The following NOS1AP variants were observed in gnomAD, a reference collection of about 807,000 sequenced individuals.
NOS1AP encodes the protein carboxyl-terminal PDZ ligand of neuronal nitric oxide synthase protein.
In NOS1AP, 21 loss-of-function variants were observed where a neutral mutation model predicts 56.2. The ratio of observed to expected loss-of-function variants is 0.37; its 90% CI spans 0.26 to 0.54. The LOEUF (loss-of-function observed/expected upper bound fraction) is 0.54, where lower values mean the gene tolerates loss of function less well. Ranked by LOEUF, NOS1AP falls within the 20% of genes least tolerant of loss-of-function variation. The pLI, the probability that NOS1AP is intolerant of heterozygous loss-of-function variation, is 0.84. For missense variants in NOS1AP, 522 were observed against 657.8 expected (o/e 0.79, Z 2.26); for synonymous variants, 270 against 274.6 (o/e 0.98, Z 0.17).
At chr1:162,201,483 G>A (rs1638345745) in intron 2 of NOS1AP, among the ~76,000 whole-genome samples, 1 of 152,144 alleles carries the variant, frequency 6.6e-6, no homozygotes, top group Non-Finnish European at 1.5e-5. Flanking sequence ...GAGATTGCTG[G>A]GTTGAATGAT....
At chr1:162,295,039 G>A (rs189553697) in intron 3 of NOS1AP, among the ~76,000 whole-genome samples, 1 of 152,188 alleles carries the variant, frequency 6.6e-6, no homozygotes, top group Non-Finnish European at 1.5e-5. Context: ...AGTGGAAGGA[G>A]GTTGAAGACC....
At chr1:162,213,554 C>T (rs1043398164) in intron 2 of NOS1AP, among the ~76,000 whole-genome samples, 2 of 152,182 alleles carry the variant, frequency 1.3e-5, no homozygotes, top group Non-Finnish European at 2.9e-5. Flanking sequence ...CTGTTGAATT[C>T]GGTTGACATT....
chr1:162,124,971 A>G (rs762698959), intron 1 of NOS1AP, among the ~76,000 whole-genome samples: 2 of 152,146 alleles, frequency 1.3e-5, no homozygotes, highest in African/African-American at 4.8e-5. Context: ...GTAGATACCC[A>G]GTAGTGGGAT....
chr1:162,346,027 C>T (rs347275), intron 6 of NOS1AP, among the ~76,000 whole-genome samples: 151,903 of 152,362 alleles, frequency 1, 75,724 homozygotes, highest in Middle Eastern at 1. Flanking sequence ...AGTGCCTGAG[C>T]GGATCAGAAT....
chr1:162,263,777 C>T (rs191846824), intron 2 of NOS1AP, among the ~76,000 whole-genome samples: 87 of 152,288 alleles, frequency 5.7e-4, no homozygotes, highest in Admixed American at 2.6e-3. Flanking sequence ...AAAGACACCT[C>T]AGAATCACTG....
At chr1:162,242,596 T>C (rs1653520741) in intron 2 of NOS1AP, among the ~76,000 whole-genome samples, 1 of 152,214 alleles carries the variant, frequency 6.6e-6, no homozygotes, top group Admixed American at 6.5e-5. Context: ...TTACTGTAAC[T>C]GCACGCAAAA....
chr1:162,085,678 G>A (rs1691986449), intron 1 of NOS1AP, among the ~76,000 whole-genome samples: 1 of 152,160 alleles, frequency 6.6e-6, no homozygotes, highest in African/African-American at 2.4e-5. Flanking sequence ...TCTATAGGAA[G>A]CATTTATTGT....
At chr1:162,269,347 G>A (rs1042048147) in intron 2 of NOS1AP, among the ~76,000 whole-genome samples, 7 of 152,162 alleles carry the variant, frequency 4.6e-5, no homozygotes, top group Non-Finnish European at 8.8e-5. Flanking sequence ...GTAGTGACTG[G>A]AGGGGGAGTT....
chr1:162,180,207 C>T (rs1651203279), intron 2 of NOS1AP, among the ~76,000 whole-genome samples: 1 of 152,046 alleles, frequency 6.6e-6, no homozygotes, highest in Non-Finnish European at 1.5e-5. Context: ...CTTGTGTAGC[C>T]TCCTCCATGA....
chr1:162,146,420 A>G (rs1200515088), intron 1 of NOS1AP, among the ~76,000 whole-genome samples: 1 of 152,116 alleles, frequency 6.6e-6, no homozygotes, highest in Non-Finnish European at 1.5e-5. Flanking sequence ...GCTGGGGTTT[A>G]CACATGATTT....
chr1:162,229,965 G>A (rs184495119), intron 2 of NOS1AP, among the ~76,000 whole-genome samples: 9 of 152,132 alleles, frequency 5.9e-5, no homozygotes, highest in Admixed American at 4.6e-4. Flanking sequence ...GGAAAATCTA[G>A]TATGAAGAAT....
chr1:162,125,363 A>T (rs1483147826), intron 1 of NOS1AP, among the ~76,000 whole-genome samples: 1 of 151,974 alleles, frequency 6.6e-6, no homozygotes, highest in Non-Finnish European at 1.5e-5. Flanking sequence ...CGAACTCCTG[A>T]GCTTAGGCAA....
chr1:162,183,351 G>A (rs964057480), intron 2 of NOS1AP, among the ~76,000 whole-genome samples: 3 of 152,250 alleles, frequency 2.0e-5, no homozygotes, highest in Admixed American at 2.0e-4. Context: ...AGAACATGCA[G>A]ACTTGATTTA....
At chr1:162,228,819 C>T (rs1207108596) in intron 2 of NOS1AP, among the ~76,000 whole-genome samples, 1 of 152,028 alleles carries the variant, frequency 6.6e-6, no homozygotes, top group Non-Finnish European at 1.5e-5. Flanking sequence ...AAAACATTAC[C>T]AAATGCTTAA....
In NOS1AP at chr1:162,334,727, T is replaced by C. The variant is rs184177142; in HGVS notation, c.453+1602T>C. On this transcript the variant is annotated intron_variant, in intron 5 of 9. Coordinates refer to ENST00000361897, the MANE Select transcript of NOS1AP (RefSeq NM_014697.3). ...TAGAGTTACAAATAACGCATTATCA[T>C]TTGCCAGGTTCTTTAATAGTTAATC... Among the ~76,000 whole-genome samples, 264 of 152,364 alleles carry C rather than the reference T, an allele frequency of 1.7e-3. 1 individual carries two copies. Among genetic ancestry groups the C allele is most frequent in the Middle Eastern group, 6.8e-3 (2 of 294 alleles).
rs767599054 is a variant in NOS1AP at position 162,334,820 on chromosome 1, G to A, written c.453+1695G>A. Reference sequence around the variant, plus strand: ...GTAACTTTCACTTCCCAATTTTACCGATGAATAAACTGAGGCTCAGAGAGG... The same window carrying A: ...GTAACTTTCACTTCCCAATTTTACCAATGAATAAACTGAGGCTCAGAGAGG... On this transcript the variant is annotated intron_variant, in intron 5 of 9. Coordinates refer to ENST00000361897, the MANE Select transcript of NOS1AP (RefSeq NM_014697.3). Among the ~76,000 whole-genome samples, 108 of 152,120 alleles carry A rather than the reference G, an allele frequency of 7.1e-4. 2 individuals carry two copies. The highest frequency in any genetic ancestry group is 2.5e-3 in the Admixed American group (38 of 15,276).
At chr1:162,215,924 A>G (rs908636951) in intron 2 of NOS1AP, among the ~76,000 whole-genome samples, 42 of 152,224 alleles carry the variant, frequency 2.8e-4, no homozygotes, top group African/African-American at 8.7e-4. Flanking sequence ...GACCTTTCTC[A>G]TGCACATATC....
At chr1:162,302,844 G>A (rs570406461) in intron 4 of NOS1AP, among the ~76,000 whole-genome samples, 5 of 152,112 alleles carry the variant, frequency 3.3e-5, no homozygotes, top group South Asian at 4.2e-4. Flanking sequence ...ATCCCCAAGC[G>A]ACCACGATCT....
At chr1:162,221,415 A>T (rs2101657949) in intron 2 of NOS1AP, among the ~76,000 whole-genome samples, 1 of 152,204 alleles carries the variant, frequency 6.6e-6, no homozygotes, top group South Asian at 2.1e-4. Flanking sequence ...GAAGAAAAAA[A>T]TCCAAATTGT....
Sources: allele counts gnomAD v4.1 joint callset (sites outside exome capture counted in the v4.1 genomes callset), GRCh38; gene constraint gnomAD v4.1.1; transcripts MANE v1.5; gene names NCBI Gene and HGNC (gene_info 2026-07-23, HGNC 2026-07-21).